The following SIM2 variants were observed in gnomAD, a reference collection of about 807,000 sequenced individuals.
SIM2 encodes single-minded homolog 2.
Under a neutral mutation model 64.8 loss-of-function variants are expected in SIM2, and 28 were observed. That is an observed-to-expected ratio of 0.43 (90% confidence interval 0.32 to 0.59). The LOEUF is 0.59. SIM2 is among the 20% of genes least tolerant of loss of function. The pLI, the probability that SIM2 is intolerant of heterozygous loss-of-function variation, is 0.07. For synonymous variants in SIM2, 408 were observed against 391.1 expected, an observed-to-expected ratio of 1.04 and a Z score of -0.51; for missense variants, 847 against 871.4, an observed-to-expected ratio of 0.97 and a Z score of 0.35.
chr21:36,709,625 T>C (rs1270217143), intron 2 of SIM2: 5 of 389,514 alleles, frequency 1.3e-5, no homozygotes, highest in Non-Finnish European at 2.5e-5. Context: ...GCAGAAATGA[T>C]TGGGCTGCTC....
At chr21:36,703,120 T>A (rs982362889) in intron 1 of SIM2, among the ~76,000 whole-genome samples, 11 of 152,122 alleles carry the variant, frequency 7.2e-5, no homozygotes, top group Admixed American at 7.2e-4. Flanking sequence ...CTCACTCCAC[T>A]GCACCCAGGA....
chr21:36,746,665 C>T lies in SIM2; in HGVS notation c.1577-1000C>T, dbSNP rs149990168. Among the ~76,000 whole-genome samples, 43 of 152,296 alleles carry T rather than the reference C, an allele frequency of 2.8e-4. No individual in the cohort carries two copies. In the East Asian group the frequency reaches 7.9e-3, roughly 28 times the overall value. On this transcript the variant is annotated intron_variant, in intron 10 of 10. Coordinates refer to ENST00000290399, the MANE Select transcript of SIM2 (RefSeq NM_005069.6). ...CCCCTGCCTTTTGACCTGGCCTGTC[C>T]CAGGAGCCACGGATCCCTTAGATTT...
chr21:36,722,416 G>C (rs1341578878), intron 4 of SIM2, among the ~76,000 whole-genome samples: 3 of 152,198 alleles, frequency 2.0e-5, no homozygotes, highest in African/African-American at 7.2e-5. Flanking sequence ...CCAAAGGGCT[G>C]TTTATTTAGA....
chr21:36,701,274 C>T (rs2088491534), intron 1 of SIM2: 1 of 152,376 alleles, frequency 6.6e-6, no homozygotes, highest in African/African-American at 2.4e-5. Flanking sequence ...GGCCGCAGGG[C>T]GCTTCCATAG....
chr21:36,699,460 A>C lies in SIM2; in HGVS notation c.-287A>C, dbSNP rs2088451200. The C allele has an allele frequency of 8.6e-6, 2 of 231,780 alleles. No individual in the cohort carries two copies. Among genetic ancestry groups the C allele is most frequent in the Admixed American group, 1.2e-4 (2 of 17,030 alleles). The allele number at this position is 231,780 out of a possible 1,614,324, so 14.4% of individuals were successfully genotyped here. A position where few individuals can be genotyped will look rare whatever the true frequency, so the allele number is the denominator to read the frequency against. On this transcript the variant is annotated 5_prime_UTR_variant, in exon 1 of 11. Coordinates refer to ENST00000290399, the MANE Select transcript of SIM2 (RefSeq NM_005069.6). The surrounding 1 kb of genome is among the most constrained non-coding windows in gnomAD (Gnocchi z 5.6). ...GCAGGAGAGGCAGGAGGGAGGAAAC[A>C]GGAGCGAGCAGGAACGGGGCTCCGG...
rs1344668182 is a variant in SIM2, at chr21:36,699,253, C to A, written c.-494C>A. On this transcript the variant is annotated 5_prime_UTR_variant, in exon 1 of 11. Coordinates refer to ENST00000290399, the MANE Select transcript of SIM2 (RefSeq NM_005069.6). The surrounding 1 kb of genome is among the most constrained non-coding windows in gnomAD (Gnocchi z 5.6). ...GAGCGCGCCCGGGCCAGGGCCCGGCCCCAGCCGCCTGCGACTCGCTCCCCT... is the reference window on the plus strand; with the variant it reads ...GAGCGCGCCCGGGCCAGGGCCCGGCACCAGCCGCCTGCGACTCGCTCCCCT... 1 of 151,546 alleles carries A rather than the reference C, an allele frequency of 6.6e-6. No individual in the cohort carries two copies. Among genetic ancestry groups the A allele is most frequent in the African/African-American group, 2.4e-5 (1 of 41,236 alleles). 9.4% of individuals were successfully genotyped at this position (151,546 alleles called of 1,614,324 possible). A position where few individuals can be genotyped will look rare whatever the true frequency, so the allele number is the denominator to read the frequency against.
Position 36,723,143 on chromosome 21 carries a change from A to C in SIM2, c.543+13A>C. 6.2e-7 allele frequency: 1 copy of C among 1,610,432 alleles called. No individual in the cohort carries two copies. Among genetic ancestry groups the C allele is most frequent in the Non-Finnish European group, 8.5e-7 (1 of 1,176,652 alleles). On this transcript the variant is annotated intron_variant, in intron 5 of 10. Transcript: ENST00000290399. ...CAGCGGATACAAGGTACGGGGAGTC[A>C]TGGGTGCGGGGAGGAGCTGGCTAAG...
In SIM2 at chr21:36,721,302, C is replaced by T. The variant is rs938969535; in HGVS notation, c.457+1373C>T. Among the ~76,000 whole-genome samples the T allele has an allele frequency of 1.3e-5, 2 of 152,148 alleles. 1 individual carries two copies. Among genetic ancestry groups the T allele is most frequent in the South Asian group, 4.2e-4 (2 of 4,810 alleles). On this transcript the variant is annotated intron_variant, in intron 4 of 10. Transcript: ENST00000290399. ...AGAGGTAATTTCTAAAAAATGAGGG[C>T]TAGGCTAGAACATCGCACCTGAATC...
At chr21:36,713,268 ATCT>A (rs894216435) in intron 3 of SIM2, among the ~76,000 whole-genome samples, 4 of 152,180 alleles carry the variant, frequency 2.6e-5, no homozygotes, top group Non-Finnish European at 4.4e-5. Flanking sequence ...AGATGGAATC[ATCT>A]TCTTAAAAAA....
chr21:36,709,968 G>A (rs73387531), intron 2 of SIM2: 7,024 of 160,192 alleles, frequency 0.044, 539 homozygotes, highest in African/African-American at 0.16. Context: ...AGCCAGGATT[G>A]CAGGCACCCG....
At chr21:36,717,941 T>C (rs999199077) in intron 3 of SIM2, among the ~76,000 whole-genome samples, 2 of 152,226 alleles carry the variant, frequency 1.3e-5, no homozygotes, top group Admixed American at 6.5e-5. Context: ...AATGAAATCC[T>C]GTAATAAACT....
In SIM2 at chr21:36,743,377, C is replaced by T. The variant is rs201838382; in HGVS notation, c.999-10C>T. On this transcript the variant is annotated splice_polypyrimidine_tract_variant and intron_variant, in intron 8 of 10. Coordinates refer to ENST00000290399, the MANE Select transcript of SIM2 (RefSeq NM_005069.6). ...TGCTGGACATGACTCGGCCCACTCT[C>T]GCCTTCCAGGGAGATTGAATACAAG... 5.8e-5 allele frequency: 94 copies of T among 1,606,848 alleles called. No individual in the cohort carries two copies. Among genetic ancestry groups the T allele is most frequent in the African/African-American group, 4.2e-4 (31 of 74,626 alleles).
rs560325394 is a variant in SIM2 at position 36,734,126 on chromosome 21, C to CCACCA, written c.850+2992_850+2996dup. ...TTGGCTGTCGTGCTGTCAGCCGTCACCACCACACCACACCACACCACGGGG... is the reference window on the plus strand; with the variant it reads ...TTGGCTGTCGTGCTGTCAGCCGTCACCACCACACCACACCACACCACACCACGGGG... On this transcript the variant is annotated intron_variant, in intron 7 of 10. Transcript: ENST00000290399. Among the ~76,000 whole-genome samples the CCACCA allele has an allele frequency of 1.1e-4, 17 of 152,274 alleles. No individual in the cohort carries two copies. The South Asian group carries it at 1.7e-3, about 15-fold the overall frequency.
chr21:36,699,643 C>T lies in SIM2; in HGVS notation c.-104C>T, dbSNP rs995809554. ...GCCCGCGGCCCACTCCGCGGACTCA[C>T]CTGGCTCCCGGCTCCCCCTTCCCCA... On this transcript the variant is annotated 5_prime_UTR_variant, in exon 1 of 11. Transcript: ENST00000290399. The surrounding 1 kb of genome is among the most constrained non-coding windows in gnomAD (Gnocchi z 5.6). 2 of 1,372,188 alleles carry T rather than the reference C, an allele frequency of 1.5e-6. No individual in the cohort carries two copies. Among genetic ancestry groups the T allele is most frequent in the Non-Finnish European group, 2.0e-6 (2 of 1,021,982 alleles). The allele number at this position is 1,372,188 out of a possible 1,614,324, so 85.0% of individuals were successfully genotyped here. A position where few individuals can be genotyped will look rare whatever the true frequency, so the allele number is the denominator to read the frequency against.
Position 36,745,168 on chromosome 21 carries a change from A to AGCCGAAGG in SIM2, c.1576+33_1576+34insCCGAAGGG. On this transcript the variant is annotated intron_variant, in intron 10 of 10. Coordinates refer to ENST00000290399, the MANE Select transcript of SIM2 (RefSeq NM_005069.6). The surrounding 1 kb of genome is among the most constrained non-coding windows in gnomAD (Gnocchi z 4.8). ...CAGGTCTGCTCGTGGGGAAGGTGGGAGGACTGCGCACGGCCGGGAGCCGAA... is the reference window on the plus strand; with the variant it reads ...CAGGTCTGCTCGTGGGGAAGGTGGGAGCCGAAGGGGACTGCGCACGGCCGGGAGCCGAA... 1.9e-6 allele frequency: 3 copies of AGCCGAAGG among 1,589,166 alleles called. No homozygotes were observed. Among genetic ancestry groups the AGCCGAAGG allele is most frequent in the Non-Finnish European group, 2.6e-6 (3 of 1,167,306 alleles).
chr21:36,712,364 G>A (rs1161353575), intron 2 of SIM2, among the ~76,000 whole-genome samples, 169 bp from the exon 3 acceptor site: 3 of 152,182 alleles, frequency 2.0e-5, no homozygotes, highest in Non-Finnish European at 4.4e-5. Context: ...AACCCTGGGT[G>A]CTGTTTCCTA....
intron 7 of SIM2, among the ~76,000 whole-genome samples, chr21:36,736,841 CTTTCTTTTCTTTCTTTCT>C (rs1415879400): frequency 5.8e-5 from 4 of 69,298 alleles, no homozygotes; most frequent in Non-Finnish European, 1.1e-4. Context: ...CTTTCTTTCT[CTTTCTTTTCTTTCTTTCT>C]TTTTCTTTCT....
intron 1 of SIM2, among the ~76,000 whole-genome samples, chr21:36,705,671 C>G (rs770551890): frequency 6.6e-6 from 1 of 152,158 alleles, no homozygotes; most frequent in Non-Finnish European, 1.5e-5. Context: ...GAGGGGGAGT[C>G]GGGAGGAGGT....
At chr21:36,736,642 C>T (rs750516184) in intron 7 of SIM2, among the ~76,000 whole-genome samples, 3 of 152,202 alleles carry the variant, frequency 2.0e-5, no homozygotes, top group South Asian at 2.1e-4. Flanking sequence ...GGCGTCATGT[C>T]GGTGTGGTCT....
Sources: gnomAD v4.1 joint callset for allele counts (sites outside exome capture counted in the v4.1 genomes callset) on GRCh38, gnomAD v4.1.1 for gene constraint, Gnocchi (gnomAD v3.1) non-coding constraint, MANE v1.5 for transcripts, NCBI Gene and HGNC (gene_info 2026-07-23, HGNC 2026-07-21) for gene names.